Variants in CLNS1A observed in about 807,000 individuals in gnomAD.
CLNS1A encodes chloride nucleotide-sensitive channel 1A.
CLNS1A carries 16 observed loss-of-function variants against 29.4 expected under a neutral mutation model. The ratio of observed to expected loss-of-function variants is 0.54; its 90% CI spans 0.37 to 0.83. The LOEUF is 0.83. CLNS1A is among the 40% of genes least tolerant of loss of function. CLNS1A has a pLI of 0.00. For missense variants in CLNS1A, 235 were observed against 287.4 expected, an observed-to-expected ratio of 0.82 and a Z score of 1.32; for synonymous variants, 96 against 104.8, an observed-to-expected ratio of 0.92 and a Z score of 0.51.
At position 77,630,421 on chromosome 11, in the gene CLNS1A, A is replaced by G. The variant is rs112897906; in HGVS notation, c.126-522T>C. Among the ~76,000 whole-genome samples, 1,323 of 152,312 alleles carry G rather than the reference A, an allele frequency of 8.7e-3. 18 individuals are homozygous for G. Among genetic ancestry groups the G allele is most frequent in the African/African-American group, 0.028 (1,170 of 41,556 alleles). On this transcript the variant is annotated intron_variant, in intron 1 of 6. Coordinates refer to ENST00000525428, the MANE Select transcript of CLNS1A (RefSeq NM_001293.3). Reference sequence around the variant, plus strand: ...CAAAACCGTTAACAAAGAGCTCAGGAGTTAAGTATGCAATAAATCCTTGGT... The same window carrying G: ...CAAAACCGTTAACAAAGAGCTCAGGGGTTAAGTATGCAATAAATCCTTGGT...
At chr11:77,627,503 T>C (rs993254459) in intron 2 of CLNS1A, among the ~76,000 whole-genome samples, 4 of 151,506 alleles carry the variant, frequency 2.6e-5, no homozygotes, top group African/African-American at 9.7e-5. Context: ...AGAAAGATAC[T>C]AATTTCTAGT....
rs1273986849 is a variant in CLNS1A at position 77,615,883 on chromosome 11, G to A, written c.*835C>T. On this transcript the variant is annotated 3_prime_UTR_variant, in exon 7 of 7. Coordinates refer to ENST00000525428, the MANE Select transcript of CLNS1A (RefSeq NM_001293.3). The stretch of plus-strand genomic sequence containing the variant: ...TTACAAATCAGCCTTATAATACCCA[G>A]GTATCTATGAAAACTAAAAATTGAG... The A allele has an allele frequency of 6.6e-6, 1 of 151,962 alleles. No individual in the cohort carries two copies. The highest frequency in any genetic ancestry group is 1.9e-4 in the East Asian group (1 of 5,202). 9.4% of individuals were successfully genotyped at this position (151,962 alleles called of 1,614,324 possible). A position where few individuals can be genotyped will look rare whatever the true frequency, so the allele number is the denominator to read the frequency against.
chr11:77,637,264 A>AAAG (rs2096197329), intron 1 of CLNS1A, among the ~76,000 whole-genome samples: 1 of 145,544 alleles, frequency 6.9e-6, no homozygotes, highest in Non-Finnish European at 1.5e-5. Flanking sequence ...AAAAAAGAAA[A>AAAG]TAAAAGAAAG....
rs1000377583 is a variant in CLNS1A, at chr11:77,634,429, C to A, written c.125+3161G>T. 2.0e-5 allele frequency among the ~76,000 whole-genome samples: 3 copies of A among 151,926 alleles called. 1 individual carries two copies. The highest frequency in any genetic ancestry group is 6.8e-3 in the Middle Eastern group (2 of 292). On this transcript the variant is annotated intron_variant, in intron 1 of 6. Coordinates refer to ENST00000525428, the MANE Select transcript of CLNS1A (RefSeq NM_001293.3). ...TTTTTTTGTATTTATGTTTCACACA[C>A]AAAAAAATTATTTTGGCCGGGCACG...
chr11:77,633,690 C>CA (rs956868022), intron 1 of CLNS1A, among the ~76,000 whole-genome samples: 5 of 148,582 alleles, frequency 3.4e-5, no homozygotes, highest in African/African-American at 9.9e-5. Flanking sequence ...GAATGAGATA[C>CA]AAAAAAAAAA....
intron 1 of CLNS1A, among the ~76,000 whole-genome samples, chr11:77,631,582 G>T (rs1959075334): frequency 6.6e-6 from 1 of 152,038 alleles, no homozygotes; most frequent in South Asian, 2.1e-4. Context: ...CTCCCAAAGT[G>T]CTGGGATTAT....
chr11:77,636,306 G>A (rs575386159), intron 1 of CLNS1A, among the ~76,000 whole-genome samples: 4 of 152,192 alleles, frequency 2.6e-5, no homozygotes, highest in South Asian at 4.2e-4. Context: ...GGGCTCAAGC[G>A]ATCTGCCTGC....
Position 77,629,835 on chromosome 11 carries a change from G to A in CLNS1A, c.190C>T (p.His64Tyr). 1 of 1,613,748 alleles carries A rather than the reference G, an allele frequency of 6.2e-7. No homozygotes were observed. Among genetic ancestry groups the A allele is most frequent in the Non-Finnish European group, 8.5e-7 (1 of 1,179,712 alleles). ...TCACTTCGGTCCCTGGATAATGCAT[G>A]TAAACTAATGGTGGGGTATTCCAGT... ...FSLEYPTISL[H>Y]ALSRDRSDCL... Residue 64 changes from histidine (H) to tyrosine (Y), a missense_variant, in exon 2 of 7, where the codon CAT becomes TAT. His to Tyr is a moderately conservative substitution (Grantham distance 83, BLOSUM62 2). Transcript: ENST00000525428.
intron 1 of CLNS1A, 114 bp downstream of exon 1, chr11:77,637,476 C>T: frequency 2.2e-6 from 3 of 1,377,250 alleles, no homozygotes; most frequent in Non-Finnish European, 2.9e-6. Flanking sequence ...GGGCACGAGA[C>T]CCCGCTCCCA....
chr11:77,622,628 C>G lies in CLNS1A; in HGVS notation c.518G>C (p.Gly173Ala), dbSNP rs1958970683. 3 of 1,612,690 alleles carry G rather than the reference C, an allele frequency of 1.9e-6. No individual in the cohort carries two copies. Among genetic ancestry groups the G allele is most frequent in the Non-Finnish European group, 1.7e-6 (2 of 1,179,602 alleles). ...DIPTFYTYEEGLSHLTAEGQA... is the reference protein window; with the variant it reads ...DIPTFYTYEEALSHLTAEGQA... ...GCCTTCTGCTGTTAGATGGGATAAT[C>G]CTTCTTCATAGGTGTAAAATGTAGG... Residue 173 changes from glycine to alanine, a missense_variant, in exon 5 of 7, where the codon GGA becomes GCA. Transcript: ENST00000525428.
At chr11:77,623,056 G>A (rs1958979716) in intron 4 of CLNS1A, among the ~76,000 whole-genome samples, 1 of 151,658 alleles carries the variant, frequency 6.6e-6, no homozygotes, top group Non-Finnish European at 1.5e-5. Context: ...GGCTACTGCT[G>A]AAGACAGAAA....
intron 1 of CLNS1A, among the ~76,000 whole-genome samples, chr11:77,637,259 AG>A (rs372278111): frequency 7.0e-4 from 88 of 125,030 alleles, no homozygotes; most frequent in East Asian, 9.3e-4. Context: ...AAAAAAAAAA[AG>A]AAAATAAAAG....
At position 77,615,654 on chromosome 11, in the gene CLNS1A, AAAAAGG is replaced by A. The variant is rs1224124201; in HGVS notation, c.*1058_*1063del. Reference sequence around the variant, plus strand: ...TCAGAAATTCTGAGAGTCTGGTTAGAAAAAGGAAAATTCGTTTTTTTTCAGTCTACC... The same window carrying A: ...TCAGAAATTCTGAGAGTCTGGTTAGAAAAATTCGTTTTTTTTCAGTCTACC... On this transcript the variant is annotated 3_prime_UTR_variant, in exon 7 of 7. Coordinates refer to ENST00000525428, the MANE Select transcript of CLNS1A (RefSeq NM_001293.3). 1 of 152,170 alleles carries A rather than the reference AAAAAGG, an allele frequency of 6.6e-6. No homozygotes were observed. Among genetic ancestry groups the A allele is most frequent in the Non-Finnish European group, 1.5e-5 (1 of 68,026 alleles). 9.4% of individuals were successfully genotyped at this position (152,170 alleles called of 1,614,324 possible). A position where few individuals can be genotyped will look rare whatever the true frequency, so the allele number is the denominator to read the frequency against.
intron 1 of CLNS1A, among the ~76,000 whole-genome samples, chr11:77,630,978 T>C (rs1959067807): frequency 1.3e-5 from 2 of 152,216 alleles, no homozygotes; most frequent in South Asian, 2.1e-4. Context: ...GTATGCTATA[T>C]GAATTATTTT....
In CLNS1A at chr11:77,637,742, T is replaced by C; in HGVS notation, c.-28A>G. On this transcript the variant is annotated 5_prime_UTR_variant, in exon 1 of 7. Coordinates refer to ENST00000525428, the MANE Select transcript of CLNS1A (RefSeq NM_001293.3). The stretch of plus-strand genomic sequence containing the variant: ...CAGCAGAGTGCGGCAACACAGGCCC[T>C]GAGGGAGTTGGAGCACAGCAATGCG... 6.5e-7 allele frequency: 1 copy of C among 1,547,618 alleles called. No homozygotes were observed.
chr11:77,615,804 A>G lies in CLNS1A; in HGVS notation c.*914T>C, dbSNP rs1432067585. The G allele has an allele frequency of 1.3e-5, 2 of 152,192 alleles. No homozygotes were observed. The highest frequency in any genetic ancestry group is 2.9e-5 in the Non-Finnish European group (2 of 68,020). 9.4% of individuals were successfully genotyped at this position (152,192 alleles called of 1,614,324 possible). A position where few individuals can be genotyped will look rare whatever the true frequency, so the allele number is the denominator to read the frequency against. ...CCTGTTAAGAAGGTTAGCTTGTATA[A>G]CCTTATTTTTAAGGACACATAATGA... On this transcript the variant is annotated 3_prime_UTR_variant, in exon 7 of 7. Coordinates refer to ENST00000525428, the MANE Select transcript of CLNS1A (RefSeq NM_001293.3).
chr11:77,623,915 T>C (rs2135765395), intron 4 of CLNS1A, among the ~76,000 whole-genome samples: 1 of 152,324 alleles, frequency 6.6e-6, no homozygotes. Context: ...AAATGAAGTA[T>C]GGTTCTGAGA....
chr11:77,635,352 T>C (rs1959113892), intron 1 of CLNS1A, among the ~76,000 whole-genome samples: 1 of 145,732 alleles, frequency 6.9e-6, no homozygotes, highest in African/African-American at 2.5e-5. Flanking sequence ...GTTTGAAATT[T>C]TTCTTTTTTT....
At chr11:77,622,407 T>C in intron 5 of CLNS1A, 93 bp downstream of exon 5, 1 of 876,192 alleles carries the variant, frequency 1.1e-6, no homozygotes, top group East Asian at 2.5e-5. Context: ...GAGTCAATTC[T>C]TTCTCTTAGT....
Sources: allele counts gnomAD v4.1 joint callset (sites outside exome capture counted in the v4.1 genomes callset), GRCh38; gene constraint gnomAD v4.1.1; transcripts MANE v1.5; gene names NCBI Gene and HGNC (gene_info 2026-07-23, HGNC 2026-07-21).